ANKRD22: variants seen among roughly 807,000 people sequenced by gnomAD.
The protein encoded by ANKRD22 is ankyrin repeat domain-containing protein 22.
A neutral mutation model predicts 25.7 loss-of-function variants in ANKRD22; 24 were observed. The observed-to-expected ratio is 0.93, with a 90% CI of 0.68 to 1.31. The LOEUF (loss-of-function observed/expected upper bound fraction) is 1.31. Among genes scored for constraint, ANKRD22 ranks in the 50% most tolerant of loss-of-function variants. The probability of loss-of-function intolerance (pLI) is 0.00; values close to 1 mark genes in which losing one functional copy is unlikely to be tolerated. For synonymous variants in ANKRD22, 84 were observed against 84.3 expected (o/e 1.00, Z 0.02); for missense variants, 214 against 227.1 (o/e 0.94, Z 0.37).
chr10:88,840,868 G>T (rs1466785253), intron 1 of ANKRD22, among the ~76,000 whole-genome samples: 3 of 152,212 alleles, frequency 2.0e-5, no homozygotes, highest in East Asian at 3.9e-4. Flanking sequence ...CTTAGGAAAT[G>T]TCTTCTTTCA....
Position 88,820,330 on chromosome 10 carries a change from G to C in ANKRD22, c.*2611C>G, listed in dbSNP as rs1473557485. 2 of 1,552,142 alleles carry C rather than the reference G, an allele frequency of 1.3e-6. No homozygotes were observed. The highest frequency in any genetic ancestry group is 3.3e-4 in the Middle Eastern group (2 of 6,020). ...TTTCAAATCCAGAAGACGTGAAAAT[G>C]CTGCTCTCTGAGGTGACCAACCTCA... On this transcript the variant is annotated 3_prime_UTR_variant, in exon 6 of 6. Transcript: ENST00000371930.
chr10:88,838,998 A>G (rs1229464374), intron 1 of ANKRD22, among the ~76,000 whole-genome samples: 1 of 152,170 alleles, frequency 6.6e-6, no homozygotes, highest in African/African-American at 2.4e-5. Context: ...GACAACCTGA[A>G]AAGCTAAGAC....
chr10:88,831,539 G>A (rs538959884), intron 2 of ANKRD22, among the ~76,000 whole-genome samples: 11 of 152,204 alleles, frequency 7.2e-5, no homozygotes, highest in Non-Finnish European at 1.3e-4. Flanking sequence ...AGAAAGAGGA[G>A]GATGAAGAGA....
At chr10:88,827,248 C>T (rs1252342191) in intron 3 of ANKRD22, among the ~76,000 whole-genome samples, 1 of 152,182 alleles carries the variant, frequency 6.6e-6, no homozygotes, top group African/African-American at 2.4e-5. Context: ...CTCTCTCCTC[C>T]CCTATCATTT....
intron 1 of ANKRD22, among the ~76,000 whole-genome samples, chr10:88,835,838 C>T (rs1351336224): frequency 2.0e-5 from 3 of 152,050 alleles, no homozygotes; most frequent in Non-Finnish European, 4.4e-5. Context: ...GCACTGACAG[C>T]GGGCAGAAGG....
At chr10:88,826,953 T>G (rs939431858) in intron 3 of ANKRD22, among the ~76,000 whole-genome samples, 3 of 152,280 alleles carry the variant, frequency 2.0e-5, no homozygotes, top group Non-Finnish European at 2.9e-5. Context: ...TAAACATACG[T>G]TAAAGAATTG....
chr10:88,849,291 A>G (rs904537545), intron 1 of ANKRD22, among the ~76,000 whole-genome samples: 22 of 152,150 alleles, frequency 1.4e-4, no homozygotes, highest in African/African-American at 5.1e-4. Flanking sequence ...TAGCAGTAGA[A>G]TGTACCTCAT....
Position 88,831,956 on chromosome 10 carries a change from T to A in ANKRD22, c.92A>T (p.Tyr31Phe), listed in dbSNP as rs1335490279. 16 of 1,613,840 alleles carry A rather than the reference T, an allele frequency of 9.9e-6. No individual in the cohort carries two copies. Among genetic ancestry groups the A allele is most frequent in the African/African-American group, 1.3e-5 (1 of 74,902 alleles). The change falls in exon 2 of 6, where the codon TAT (tyrosine) becomes TTT (phenylalanine). Residue 31 changes from tyrosine (Y) to phenylalanine (F), a missense_variant. Tyr to Phe is a conservative substitution (Grantham distance 22, BLOSUM62 3). Coordinates refer to ENST00000371930, the MANE Select transcript of ANKRD22 (RefSeq NM_144590.3). The part of the protein sequence containing the change: ...VWRWVKEDSS[Y>F]ANVQDGFNGD... ...ATTAAAGCCATCTTGAACGTTGGCA[T>A]AGCTGCTGTCTTCTTTCACCCACCG...
In ANKRD22 at chr10:88,820,170, A is replaced by G. The variant is rs1210711244; in HGVS notation, c.*2771T>C. The G allele has an allele frequency of 2.9e-6, 4 of 1,357,832 alleles. No homozygotes were observed. The South Asian group carries it at 4.3e-5, about 14-fold the overall frequency. The allele number at this position is 1,357,832 out of a possible 1,614,324, so 84.1% of individuals were successfully genotyped here. ...CATGTTTATTATGTCTATTTGAAAC[A>G]TAAATTATGAGCCTGAAAGTCCAAA... is the stretch of plus-strand genomic sequence containing the variant. On this transcript the variant is annotated 3_prime_UTR_variant, in exon 6 of 6. Coordinates refer to ENST00000371930, the MANE Select transcript of ANKRD22 (RefSeq NM_144590.3).
In ANKRD22 at chr10:88,820,321, C is replaced by T. The variant is rs561105193; in HGVS notation, c.*2620G>A. ...AGGACTGGCTTTCAAATCCAGAAGA[C>T]GTGAAAATGCTGCTCTCTGAGGTGA... On this transcript the variant is annotated 3_prime_UTR_variant, in exon 6 of 6. Coordinates refer to ENST00000371930, the MANE Select transcript of ANKRD22 (RefSeq NM_144590.3). The T allele has an allele frequency of 3.1e-5, 48 of 1,552,132 alleles. No individual in the cohort carries two copies. Among genetic ancestry groups the T allele is most frequent in the Middle Eastern group, 1.7e-4 (1 of 5,996 alleles).
intron 4 of ANKRD22, among the ~76,000 whole-genome samples, chr10:88,824,041 A>G (rs1314858432): frequency 2.0e-5 from 3 of 152,168 alleles, no homozygotes; most frequent in African/African-American, 7.2e-5. Context: ...TCCCTTAAAG[A>G]GTCTCCACAT....
chr10:88,820,171 TA>T lies in ANKRD22; in HGVS notation c.*2769del. Reference sequence around the variant, plus strand: ...ATGTTTATTATGTCTATTTGAAACATAAATTATGAGCCTGAAAGTCCAAATG... The same window carrying T: ...ATGTTTATTATGTCTATTTGAAACATAATTATGAGCCTGAAAGTCCAAATG... On this transcript the variant is annotated 3_prime_UTR_variant, in exon 6 of 6. Transcript: ENST00000371930. 7.3e-7 allele frequency: 1 copy of T among 1,365,288 alleles called. No individual in the cohort carries two copies. The highest frequency in any genetic ancestry group is 9.9e-7 in the Non-Finnish European group (1 of 1,011,540). The allele number at this position is 1,365,288 out of a possible 1,614,324, so 84.6% of individuals were successfully genotyped here.
rs201548724 is a variant in ANKRD22 at position 88,839,512 on chromosome 10, AGGCCCATCTCAT to A, written c.22-7498_22-7487del. Among the ~76,000 whole-genome samples the A allele has an allele frequency of 6.1e-3, 929 of 152,216 alleles. 9 individuals carry two copies. Among genetic ancestry groups the A allele is most frequent in the African/African-American group, 0.021 (858 of 41,518 alleles). On this transcript the variant is annotated intron_variant, in intron 1 of 5. Coordinates refer to ENST00000371930, the MANE Select transcript of ANKRD22 (RefSeq NM_144590.3). ...TTTAAATTGTGCTATCTATTCTTCAAGGCCCATCTCATGGTTCATCTCCAAGAAATCTCTTTC... is the reference window on the plus strand; with the variant it reads ...TTTAAATTGTGCTATCTATTCTTCAAGGTTCATCTCCAAGAAATCTCTTTC...
At chr10:88,833,599 C>A (rs1843926681) in intron 1 of ANKRD22, among the ~76,000 whole-genome samples, 1 of 152,044 alleles carries the variant, frequency 6.6e-6, no homozygotes, top group South Asian at 2.1e-4. Flanking sequence ...AGCCAAATAT[C>A]ACAATAAGTG....
chr10:88,847,374 T>C (rs942848670), intron 1 of ANKRD22, among the ~76,000 whole-genome samples: 1 of 152,166 alleles, frequency 6.6e-6, no homozygotes, highest in African/African-American at 2.4e-5. Flanking sequence ...TTTTCCTGCC[T>C]CAGCCTCCCA....
intron 1 of ANKRD22, among the ~76,000 whole-genome samples, chr10:88,845,183 C>G (rs1188410425): frequency 6.6e-6 from 1 of 152,078 alleles, no homozygotes; most frequent in Non-Finnish European, 1.5e-5. Flanking sequence ...GTGTTTCCCC[C>G]TCAACCCCAG....
At position 88,826,094 on chromosome 10, in the gene ANKRD22, C is replaced by A. The variant is rs150923161; in HGVS notation, c.343G>T (p.Glu115Ter). The A allele has an allele frequency of 1.1e-5, 17 of 1,612,552 alleles. No homozygotes were observed. Among genetic ancestry groups the A allele is most frequent in the Non-Finnish European group, 1.4e-5 (17 of 1,179,162 alleles). The change falls in exon 4 of 6, where the codon GAG (glutamate) becomes TAG (stop). Residue 115 changes from glutamate (E) to a stop codon, truncating the protein, a stop_gained. Coordinates refer to ENST00000371930, the MANE Select transcript of ANKRD22 (RefSeq NM_144590.3). LOFTEE classifies it high-confidence loss of function. The stretch of plus-strand genomic sequence containing the variant: ...TCAAGTAGCATTCGTACAAGAGCCT[C>A]ATTCTGCTTTGTCTTTGATACCTAT... ...FLMVSKTKQN[E>*]ALVRMLLDAG...
intron 1 of ANKRD22, among the ~76,000 whole-genome samples, chr10:88,849,816 C>T (rs2439707): frequency 0.093 from 14,147 of 152,032 alleles, 897 homozygotes; most frequent in Non-Finnish European, 0.14. Flanking sequence ...AAAATTAGGG[C>T]CTCTCACTGA....
chr10:88,848,501 AT>A (rs926540466), intron 1 of ANKRD22, among the ~76,000 whole-genome samples: 3 of 152,134 alleles, frequency 2.0e-5, no homozygotes, highest in African/African-American at 7.2e-5. Context: ...GAATACCAAA[AT>A]CTTGCTAGGA....
Sources: gnomAD v4.1 joint callset for allele counts (sites outside exome capture counted in the v4.1 genomes callset) on GRCh38, gnomAD v4.1.1 for gene constraint, MANE v1.5 for transcripts, NCBI Gene and HGNC (gene_info 2026-07-23, HGNC 2026-07-21) for gene names.